Variants in DTNA observed in about 807,000 individuals in gnomAD.
DTNA encodes the protein dystrobrevin alpha, also known as dystrophin-related protein 3.
In DTNA, 43 loss-of-function variants were observed where a neutral mutation model predicts 100.7. The observed-to-expected ratio is 0.43, with a 90% CI of 0.33 to 0.55. The LOEUF is 0.55. Among genes scored for constraint, DTNA ranks in the 20% least tolerant of loss-of-function variants. The pLI, the probability that DTNA is intolerant of heterozygous loss-of-function variation, is 0.04. For synonymous variants in DTNA, 349 were observed against 347.9 expected, an observed-to-expected ratio of 1.00 and a Z score of -0.04; for missense variants, 798 against 953.9, an observed-to-expected ratio of 0.84 and a Z score of 2.15.
chr18:34,724,029 T>C (rs919000974), intron 1 of DTNA, among the ~76,000 whole-genome samples: 3 of 152,220 alleles, frequency 2.0e-5, no homozygotes, highest in Admixed American at 6.5e-5. Flanking sequence ...AGATATGTTA[T>C]TGTCAGTTTT....
chr18:34,766,999 AC>A (rs780093449), intron 3 of DTNA, among the ~76,000 whole-genome samples: 26 of 152,278 alleles, frequency 1.7e-4, no homozygotes, highest in Non-Finnish European at 3.1e-4. Flanking sequence ...CTGGGTCAAC[AC>A]TTCCATTGTA....
chr18:34,753,269 C>T (rs1216632597), intron 1 of DTNA, among the ~76,000 whole-genome samples: 2 of 152,118 alleles, frequency 1.3e-5, no homozygotes, highest in Non-Finnish European at 2.9e-5. Flanking sequence ...GCAAGGCCTG[C>T]AAGTTCAGAT....
chr18:34,587,959 G>GTA (rs1224699463), intron 1 of DTNA, among the ~76,000 whole-genome samples: 1 of 152,112 alleles, frequency 6.6e-6, no homozygotes. Context: ...CCAAGAGACT[G>GTA]TAATAGATAC....
At chr18:34,506,831 A>G (rs1001842812) in intron 1 of DTNA, among the ~76,000 whole-genome samples, 10 of 152,154 alleles carry the variant, frequency 6.6e-5, no homozygotes, top group African/African-American at 2.4e-4. Flanking sequence ...TTTAATATAT[A>G]AAATACAGGG....
Position 34,879,694 on chromosome 18 carries a change from A to G in DTNA, c.2137A>G (p.Thr713Ala). ...RKPGYIHSGA[T>A]TSTMRGDMVT... ...ACCTGGGTACATTCACAGTGGAGCT[A>G]CCACAAGTACCATGCGTGGCGACAT... The change falls in exon 20 of 23, where the codon ACC (threonine) becomes GCC (alanine). Residue 713 changes from threonine to alanine, a missense_variant. Physicochemically the swap from Thr to Ala is moderately conservative, Grantham distance 58. Coordinates refer to ENST00000444659, the MANE Select transcript of DTNA (RefSeq NM_001386795.1). 2 of 1,614,108 alleles carry G rather than the reference A, an allele frequency of 1.2e-6. No homozygotes were observed. Among genetic ancestry groups the G allele is most frequent in the Non-Finnish European group, 1.7e-6 (2 of 1,179,996 alleles).
At chr18:34,552,777 T>C (rs1003233141) in intron 1 of DTNA, among the ~76,000 whole-genome samples, 40 of 150,518 alleles carry the variant, frequency 2.7e-4, no homozygotes, top group African/African-American at 3.7e-4. Context: ...CAGTCTATCA[T>C]TGTTGGACAT....
In DTNA at chr18:34,811,986, G is replaced by A. The variant is rs147115867; in HGVS notation, c.476G>A (p.Ser159Asn). 3.0e-5 allele frequency: 49 copies of A among 1,613,908 alleles called. No homozygotes were observed. The East Asian group carries it at 1.0e-3, about 33-fold the overall frequency. The change falls in exon 6 of 23, where the codon AGT (serine) becomes AAT (asparagine). Residue 159 changes from serine to asparagine, a missense_variant. Physicochemically the swap from Ser to Asn is conservative, Grantham distance 46. Around this residue, in one of 6 missense-constraint regions of DTNA, gnomAD observed 197 missense variants for 215.4 expected, o/e 0.91. Coordinates refer to ENST00000444659, the MANE Select transcript of DTNA (RefSeq NM_001386795.1). Reference sequence around the variant, plus strand: ...ATTTTCTCAATGATTTCTGACTCCAGTGGGGTGATGGTTTATGGACGATAT... The same window carrying A: ...ATTTTCTCAATGATTTCTGACTCCAATGGGGTGATGGTTTATGGACGATAT... The part of the protein sequence containing the change: ...RYIFSMISDS[S>N]GVMVYGRYDQ...
intron 1 of DTNA, among the ~76,000 whole-genome samples, chr18:34,596,799 T>G (rs1369941284): frequency 2.6e-5 from 4 of 152,236 alleles, no homozygotes; most frequent in Non-Finnish European, 4.4e-5. Context: ...ATATGCATGC[T>G]GATTGAAAGA....
At chr18:34,680,088 GC>G (rs1458395267) in intron 1 of DTNA, among the ~76,000 whole-genome samples, 1 of 152,082 alleles carries the variant, frequency 6.6e-6, no homozygotes, top group Non-Finnish European at 1.5e-5. Flanking sequence ...CGTTTTAGAT[GC>G]GCTTATTGGG....
At chr18:34,515,832 T>G (rs2041547408) in intron 1 of DTNA, among the ~76,000 whole-genome samples, 1 of 152,112 alleles carries the variant, frequency 6.6e-6, no homozygotes. Context: ...CAAACTCAGC[T>G]CTTATCCTCT....
intron 11 of DTNA, among the ~76,000 whole-genome samples, chr18:34,836,126 C>G (rs766090192): frequency 3.3e-5 from 5 of 152,148 alleles, no homozygotes; most frequent in Non-Finnish European, 7.3e-5. Flanking sequence ...AGATCTGCTT[C>G]AGTAGACAAA....
Position 34,875,298 on chromosome 18 carries a change from C to T in DTNA, c.1803C>T (p.Pro601=). ...SPSHTISRPI[P]MPIRSASACS... ...GCCACACCATCAGCAGGCCAATTCC[C>T]ATGCCCATCCGGTCAGCGTCAGCCT... The change falls in exon 18 of 23, where the codon CCC becomes CCT. Residue 601 remains proline (P), a synonymous_variant. Transcript: ENST00000444659. 1 of 1,614,226 alleles carries T rather than the reference C, an allele frequency of 6.2e-7. No homozygotes were observed. Among genetic ancestry groups the T allele is most frequent in the Non-Finnish European group, 8.5e-7 (1 of 1,180,040 alleles).
At chr18:34,803,674 A>G (rs1306071129) in intron 4 of DTNA, among the ~76,000 whole-genome samples, 1 of 152,194 alleles carries the variant, frequency 6.6e-6, no homozygotes, top group Admixed American at 6.5e-5. Context: ...GAACCATGTT[A>G]CAGTTTAGGA....
chr18:34,727,777 C>T (rs774630620), intron 1 of DTNA, among the ~76,000 whole-genome samples: 17 of 152,126 alleles, frequency 1.1e-4, no homozygotes, highest in Non-Finnish European at 2.1e-4. Flanking sequence ...GTTGGTCAGG[C>T]TAGTGTCAAA....
chr18:34,552,581 A>G (rs2045555048), intron 1 of DTNA, among the ~76,000 whole-genome samples: 1 of 132,800 alleles, frequency 7.5e-6, no homozygotes, highest in South Asian at 2.4e-4. Flanking sequence ...TCCTGTGTCC[A>G]TGTGATCTCA....
Position 34,723,700 on chromosome 18 carries a change from ACCAGCCTGG to A in DTNA, c.-2+13261_-2+13269del, listed in dbSNP as rs2085908023. ...GATCACCTGATGTCAGGAGTTCGAG[ACCAGCCTGG>A]CCAGCATGGCAAAACCCCATCTCCA... On this transcript the variant is annotated intron_variant, in intron 1 of 22. Transcript: ENST00000444659. 7.9e-5 allele frequency among the ~76,000 whole-genome samples: 12 copies of A among 152,236 alleles called. No individual in the cohort carries two copies. The South Asian group carries it at 2.5e-3, about 32-fold the overall frequency.
intron 1 of DTNA, among the ~76,000 whole-genome samples, chr18:34,529,220 A>G (rs1432671021): frequency 1.3e-5 from 2 of 152,166 alleles, no homozygotes; most frequent in East Asian, 1.9e-4. Context: ...ATATATTTAT[A>G]TAGGCTGACA....
At chr18:34,875,164 A>G (rs1459820543) in intron 17 of DTNA, 75 bp from the exon 18 acceptor site, 2 of 1,576,604 alleles carry the variant, frequency 1.3e-6, no homozygotes, top group East Asian at 2.3e-5. Flanking sequence ...GTTTTCAACA[A>G]TCAACTGAGG....
rs1243219159 is a variant in DTNA at position 34,575,681 on chromosome 18, G to T, written c.-2+82167G>T. ...ATCTATAGCTGTGTTTTACTTTTCT[G>T]ACATAAATTTCAAGATTATTCTGGT... On this transcript the variant is annotated intron_variant, in intron 1 of 19. Coordinates refer to the DTNA transcript ENST00000283365. 2.0e-5 allele frequency among the ~76,000 whole-genome samples: 3 copies of T among 152,042 alleles called. No homozygotes were observed. In the East Asian group the frequency reaches 5.8e-4, roughly 29 times the overall value.
Sources: gnomAD v4.1 joint callset for allele counts (sites outside exome capture counted in the v4.1 genomes callset) on GRCh38, gnomAD v4.1.1 for gene constraint, gnomAD v4.1.1 regional missense constraint, MANE v1.5 for transcripts, NCBI Gene and HGNC (gene_info 2026-07-23, HGNC 2026-07-21) for gene names.